The following DPP10 variants were observed in gnomAD, a reference collection of about 807,000 sequenced individuals.
DPP10 encodes inactive dipeptidyl peptidase 10.
Under a neutral mutation model 120.9 loss-of-function variants are expected in DPP10, and 33 were observed. The ratio of observed to expected loss-of-function variants is 0.27; its 90% CI spans 0.21 to 0.37. DPP10 has a LOEUF of 0.37. DPP10 is among the 10% of genes least tolerant of loss of function. The pLI, the probability that DPP10 is intolerant of heterozygous loss-of-function variation, is 1.00. For missense variants in DPP10, 816 were observed against 942.8 expected (o/e 0.87, Z 1.76); for synonymous variants, 337 against 326.1 (o/e 1.03, Z -0.36).
chr2:115,458,996 T>C (rs1281909526), intron 3 of DPP10, among the ~76,000 whole-genome samples: 2 of 152,120 alleles, frequency 1.3e-5, no homozygotes, highest in African/African-American at 4.8e-5. Context: ...AAAGAGACAC[T>C]CCAGTGTCAT....
intron 1 of DPP10, among the ~76,000 whole-genome samples, chr2:114,816,630 G>A (rs1322823939): frequency 6.6e-6 from 1 of 152,008 alleles, no homozygotes; most frequent in African/African-American, 2.4e-5. Context: ...GTATTCATTC[G>A]CTTATTGATT....
chr2:115,762,235 A>C (rs1680203125), intron 11 of DPP10, among the ~76,000 whole-genome samples: 1 of 152,208 alleles, frequency 6.6e-6, no homozygotes, highest in African/African-American at 2.4e-5. Context: ...TCTCCCAATG[A>C]TGCCTAGAGG....
At chr2:115,719,884 CCT>C (rs1336047605) in intron 7 of DPP10, among the ~76,000 whole-genome samples, 16 of 152,142 alleles carry the variant, frequency 1.1e-4, no homozygotes, top group African/African-American at 3.4e-4. Flanking sequence ...TATTGAAAAA[CCT>C]GTATTCTGAC....
At chr2:115,782,773 T>G (rs2149874427) in intron 17 of DPP10, among the ~76,000 whole-genome samples, 1 of 152,236 alleles carries the variant, frequency 6.6e-6, no homozygotes, top group Admixed American at 6.5e-5. Flanking sequence ...TTTCAGAAAA[T>G]TATGAAAAAT....
rs548757029 is a variant in DPP10 at position 114,596,577 on chromosome 2, G to A, written c.60+153739G>A. Among the ~76,000 whole-genome samples the A allele has an allele frequency of 5.3e-5, 8 of 151,934 alleles. No individual in the cohort carries two copies. The South Asian group carries it at 1.2e-3, about 24-fold the overall frequency. ...TTTTAACTATATTTTTCCATTTTTC[G>A]GTGTTCACTTTGTAGTCATACAAAT... On this transcript the variant is annotated intron_variant, in intron 1 of 25. Transcript: ENST00000410059.
intron 1 of DPP10, among the ~76,000 whole-genome samples, chr2:114,455,188 T>TGTGTGTG (rs1678499405): frequency 9.9e-6 from 1 of 100,678 alleles, no homozygotes; most frequent in African/African-American, 4.3e-5. Context: ...GTGTGTGTGT[T>TGTGTGTG]TGGGGGTGGT....
intron 1 of DPP10, among the ~76,000 whole-genome samples, chr2:114,637,305 A>T (rs1012351890): frequency 6.6e-6 from 1 of 151,972 alleles, no homozygotes; most frequent in African/African-American, 2.4e-5. Context: ...TGTTTACAAG[A>T]TTGAAGACTT....
chr2:114,656,511 T>C (rs1696979080), intron 1 of DPP10, among the ~76,000 whole-genome samples: 1 of 152,194 alleles, frequency 6.6e-6, no homozygotes, highest in South Asian at 2.1e-4. Context: ...CTGCAATTTA[T>C]TGTTCACATA....
rs186335460 is a variant in DPP10, at chr2:115,381,808, G to A, written c.271+37896G>A. Among the ~76,000 whole-genome samples, 539 of 151,190 alleles carry A rather than the reference G, an allele frequency of 3.6e-3. 4 individuals carry two copies. Among genetic ancestry groups the A allele is most frequent in the African/African-American group, 0.012 (503 of 41,294 alleles). On this transcript the variant is annotated intron_variant, in intron 3 of 25. Coordinates refer to ENST00000410059, the MANE Select transcript of DPP10 (RefSeq NM_020868.6). ...CAGCTGCAGGTCTGTTGGAGTACCC[G>A]GCCCTGTGAAGTGTCAGTCTGCCCC...
intron 1 of DPP10, among the ~76,000 whole-genome samples, chr2:115,173,465 T>C (rs892682429): frequency 6.6e-6 from 1 of 152,154 alleles, no homozygotes; most frequent in Non-Finnish European, 1.5e-5. Context: ...GAAAAAGGTA[T>C]TTTAGAGAGA....
chr2:114,874,196 C>G (rs1041835650), intron 1 of DPP10, among the ~76,000 whole-genome samples: 1 of 152,172 alleles, frequency 6.6e-6, no homozygotes, highest in Non-Finnish European at 1.5e-5. Context: ...TTCCCAACCA[C>G]AGAACACCCC....
At chr2:115,598,865 A>T (rs1376374909) in intron 5 of DPP10, among the ~76,000 whole-genome samples, 1 of 151,156 alleles carries the variant, frequency 6.6e-6, no homozygotes, top group Admixed American at 6.6e-5. Context: ...TTTGACAGAA[A>T]TAAATTTCCT....
rs540370893 is a variant in DPP10, at chr2:114,536,554, C to T, written c.60+93716C>T. On this transcript the variant is annotated intron_variant, in intron 1 of 25. Transcript: ENST00000410059. Reference sequence around the variant, plus strand: ...CTGAGTAGCTGGGACTACAGGCGCCCGCTACCATGCCCAGCTAATTTTTTG... The same window carrying T: ...CTGAGTAGCTGGGACTACAGGCGCCTGCTACCATGCCCAGCTAATTTTTTG... Among the ~76,000 whole-genome samples, 9 of 151,882 alleles carry T rather than the reference C, an allele frequency of 5.9e-5. No individual in the cohort carries two copies. In the South Asian group the frequency reaches 1.0e-3, roughly 18 times the overall value.
At chr2:114,807,008 A>G (rs2106306855) in intron 1 of DPP10, among the ~76,000 whole-genome samples, 1 of 152,260 alleles carries the variant, frequency 6.6e-6, no homozygotes, top group East Asian at 1.9e-4. Flanking sequence ...ACTTCCTCAG[A>G]TTCTTGTTGG....
chr2:114,467,762 G>A (rs994885137), intron 1 of DPP10, among the ~76,000 whole-genome samples: 1 of 152,150 alleles, frequency 6.6e-6, no homozygotes, highest in Admixed American at 6.5e-5. Flanking sequence ...CACTTTAGGA[G>A]GTTTAGGTGG....
rs117761508 is a variant in DPP10 at position 115,171,938 on chromosome 2, G to A, written c.61-137301G>A. On this transcript the variant is annotated intron_variant, in intron 1 of 25. Coordinates refer to ENST00000410059, the MANE Select transcript of DPP10 (RefSeq NM_020868.6). ...GCAAAGCCATAATGCCATTCTGAAC[G>A]TAAACTGTGAAATTCACTACTCCAG... 6.4e-4 allele frequency among the ~76,000 whole-genome samples: 98 copies of A among 152,212 alleles called. No homozygotes were observed. The East Asian group carries it at 0.015, about 23-fold the overall frequency.
At chr2:115,449,059 T>C (rs930027569) in intron 3 of DPP10, among the ~76,000 whole-genome samples, 2 of 152,120 alleles carry the variant, frequency 1.3e-5, no homozygotes, top group Non-Finnish European at 2.9e-5. Context: ...GGGATTTTCA[T>C]ATAAAAGAAA....
chr2:115,677,752 T>C (rs2090373355), intron 5 of DPP10, among the ~76,000 whole-genome samples: 1 of 152,190 alleles, frequency 6.6e-6, no homozygotes, highest in Admixed American at 6.5e-5. Flanking sequence ...CCCAATACCA[T>C]AGCATCCAGA....
chr2:115,410,205 C>G (rs539606217), intron 3 of DPP10, among the ~76,000 whole-genome samples: 5 of 152,262 alleles, frequency 3.3e-5, no homozygotes, highest in African/African-American at 1.2e-4. Context: ...GCACTACTCA[C>G]AATAGCAAAG....
Sources: allele counts gnomAD v4.1 joint callset (sites outside exome capture counted in the v4.1 genomes callset), GRCh38; gene constraint gnomAD v4.1.1; transcripts MANE v1.5; gene names NCBI Gene and HGNC (gene_info 2026-07-23, HGNC 2026-07-21).